The following FAM118B variants were observed in gnomAD, a reference collection of about 807,000 sequenced individuals.
FAM118B encodes the protein protein FAM118B.
In FAM118B, 24 loss-of-function variants were observed where a neutral mutation model predicts 38.5. The observed-to-expected ratio is 0.62, with a 90% CI of 0.45 to 0.88. The LOEUF is 0.88. Ranked by LOEUF, FAM118B falls within the 40% of genes least tolerant of loss-of-function variation. The probability of loss-of-function intolerance (pLI) is 0.00; values close to 1 mark genes in which losing one functional copy is unlikely to be tolerated. For missense variants in FAM118B, 334 were observed against 420.0 expected (o/e 0.80, Z 1.79); for synonymous variants, 138 against 156.3 (o/e 0.88, Z 0.87).
chr11:126,228,230 G>A (rs533364695), intron 1 of FAM118B, among the ~76,000 whole-genome samples: 23 of 148,608 alleles, frequency 1.5e-4, no homozygotes, highest in East Asian at 1.0e-3. Context: ...ACAGGGTCTC[G>A]CTTTGTCACC....
At chr11:126,239,790 A>G (rs956273110) in intron 3 of FAM118B, among the ~76,000 whole-genome samples, 1 of 152,224 alleles carries the variant, frequency 6.6e-6, no homozygotes, top group African/African-American at 2.4e-5. Flanking sequence ...CTGGGATTAC[A>G]GGCGTGAGCC....
At chr11:126,232,536 C>T (rs983595669) in intron 2 of FAM118B, among the ~76,000 whole-genome samples, 6 of 152,076 alleles carry the variant, frequency 3.9e-5, no homozygotes, top group African/African-American at 1.4e-4. Flanking sequence ...CTTCCCTCTA[C>T]ATTTTACTTT....
intron 3 of FAM118B, 33 bp downstream of exon 3, chr11:126,235,120 T>A (rs1950256822): frequency 6.3e-7 from 1 of 1,587,074 alleles, no homozygotes; most frequent in South Asian, 1.1e-5. Flanking sequence ...CAGAGTAAAT[T>A]ACCATTAGTG....
intron 3 of FAM118B, 49 bp from the exon 4 acceptor site, chr11:126,240,743 C>T (rs559821858): frequency 2.0e-6 from 3 of 1,526,282 alleles, no homozygotes; most frequent in South Asian, 1.3e-5. Context: ...TTCTGTGTGC[C>T]TCATATCTAT....
intron 7 of FAM118B, among the ~76,000 whole-genome samples, chr11:126,257,170 C>G (rs1950590692): frequency 6.6e-6 from 1 of 152,168 alleles, no homozygotes; most frequent in Non-Finnish European, 1.5e-5. Flanking sequence ...CCAATTTTGG[C>G]TAAGGCTGTG....
intron 4 of FAM118B, 31 bp downstream of exon 4, chr11:126,241,075 G>A (rs1950350894): frequency 6.6e-7 from 1 of 1,515,288 alleles, no homozygotes; most frequent in Non-Finnish European, 8.8e-7. Flanking sequence ...CACAGTATTT[G>A]GAATTTCCTA....
At chr11:126,218,160 A>G (rs1039624971) in intron 1 of FAM118B, among the ~76,000 whole-genome samples, 10 of 152,082 alleles carry the variant, frequency 6.6e-5, no homozygotes, top group African/African-American at 2.4e-4. Flanking sequence ...CCTTTTTGTA[A>G]TATCCATTCT....
chr11:126,221,894 G>A (rs1950067702), intron 1 of FAM118B, among the ~76,000 whole-genome samples: 1 of 152,018 alleles, frequency 6.6e-6, no homozygotes, highest in Non-Finnish European at 1.5e-5. Context: ...CTCCCATAAA[G>A]CTTTCCTTGA....
intron 7 of FAM118B, among the ~76,000 whole-genome samples, chr11:126,258,147 A>G (rs943038060): frequency 1.3e-5 from 2 of 152,190 alleles, no homozygotes; most frequent in African/African-American, 2.4e-5. Context: ...TGTAATCCCA[A>G]CACTGTGGGA....
chr11:126,248,434 G>A (rs918001106), intron 4 of FAM118B, among the ~76,000 whole-genome samples: 17 of 130,114 alleles, frequency 1.3e-4, no homozygotes, highest in Non-Finnish European at 2.2e-4. Context: ...GCAATGGTGC[G>A]ATCTTGGCTC....
At chr11:126,243,070 T>G (rs1950378708) in intron 4 of FAM118B, among the ~76,000 whole-genome samples, 1 of 152,184 alleles carries the variant, frequency 6.6e-6, no homozygotes, top group Non-Finnish European at 1.5e-5. Context: ...TGGATGAACC[T>G]TGAAAACATT....
intron 1 of FAM118B, among the ~76,000 whole-genome samples, chr11:126,218,005 C>T (rs188690173): frequency 6.6e-6 from 1 of 152,316 alleles, no homozygotes; most frequent in East Asian, 1.9e-4. Context: ...TGTGTATTAA[C>T]ACCAGGGTAT....
At position 126,241,018 on chromosome 11, in the gene FAM118B, C is replaced by G. The variant is rs1479476421; in HGVS notation, c.313C>G (p.His105Asp). 3 of 1,607,978 alleles carry G rather than the reference C, an allele frequency of 1.9e-6. No individual in the cohort carries two copies. The change falls in exon 4 of 9, where the codon CAT becomes GAT. Residue 105 changes from histidine (H) to aspartate (D), a missense_variant. By Grantham distance (81) the His-to-Asp change is moderately conservative (BLOSUM62 -1). Coordinates refer to ENST00000533050, the MANE Select transcript of FAM118B (RefSeq NM_024556.4). Reference sequence around the variant, plus strand: ...AGACAAGAACCTGGTCCATGTTGCCCATGACCTTATCCAGAAACTCTCTCC... The same window carrying G: ...AGACAAGAACCTGGTCCATGTTGCCGATGACCTTATCCAGAAACTCTCTCC... ...HEDKNLVHVA[H>D]DLIQKLSPRT...
At position 126,262,470 on chromosome 11, in the gene FAM118B, G is replaced by A. The variant is rs1213852949; in HGVS notation, c.*337G>A. ...GGCTGCAGCTCTGCATGAAGGACTC[G>A]GGGTCTGGATGCCATGGAATCACTG... On this transcript the variant is annotated 3_prime_UTR_variant, in exon 9 of 9. Coordinates refer to ENST00000533050, the MANE Select transcript of FAM118B (RefSeq NM_024556.4). The A allele has an allele frequency of 1.2e-5, 4 of 342,070 alleles. No homozygotes were observed. The highest frequency in any genetic ancestry group is 7.1e-5 in the South Asian group (1 of 14,160). 21.2% of individuals were successfully genotyped at this position (342,070 alleles called of 1,614,324 possible). A position where few individuals can be genotyped will look rare whatever the true frequency, so the allele number is the denominator to read the frequency against.
intron 7 of FAM118B, chr11:126,260,461 C>T (rs1950665929): frequency 1.3e-5 from 2 of 149,492 alleles, no homozygotes; most frequent in African/African-American, 4.9e-5. Flanking sequence ...ACATCCCTAT[C>T]TTCATAACCA....
chr11:126,262,178 C>T lies in FAM118B; in HGVS notation c.*45C>T. ...ACCGTTTAGACCAAGCTGTAAGGCC[C>T]TACTACAGACAGTGTTTAACAAGTA... is the stretch of plus-strand genomic sequence containing the variant. On this transcript the variant is annotated 3_prime_UTR_variant, in exon 9 of 9. Coordinates refer to ENST00000533050, the MANE Select transcript of FAM118B (RefSeq NM_024556.4). 6.3e-7 allele frequency: 1 copy of T among 1,599,218 alleles called. No homozygotes were observed. Among genetic ancestry groups the T allele is most frequent in the Non-Finnish European group, 8.6e-7 (1 of 1,166,646 alleles).
At position 126,237,997 on chromosome 11, in the gene FAM118B, T is replaced by C. The variant is rs928680515; in HGVS notation, c.87-2795T>C. On this transcript the variant is annotated intron_variant, in intron 3 of 8. Transcript: ENST00000533050. ...GCTAGTTTGTTTGGTATAACTGTTATGTTGGGGGCTTTCCTCAGATGTGAG... is the reference window on the plus strand; with the variant it reads ...GCTAGTTTGTTTGGTATAACTGTTACGTTGGGGGCTTTCCTCAGATGTGAG... Among the ~76,000 whole-genome samples, 8 of 152,252 alleles carry C rather than the reference T, an allele frequency of 5.3e-5. No homozygotes were observed. In the South Asian group the frequency reaches 6.2e-4, roughly 12 times the overall value.
At chr11:126,232,661 T>TA (rs1408722079) in intron 2 of FAM118B, among the ~76,000 whole-genome samples, 2 of 151,656 alleles carry the variant, frequency 1.3e-5, no homozygotes, top group Non-Finnish European at 2.9e-5. Flanking sequence ...AAAAACAACT[T>TA]AAAAAATATA....
intron 4 of FAM118B, among the ~76,000 whole-genome samples, chr11:126,247,572 A>G (rs1950433496): frequency 6.6e-6 from 1 of 152,108 alleles, no homozygotes; most frequent in Non-Finnish European, 1.5e-5. Context: ...AAAATGTAGT[A>G]CGTATTTGCC....
Sources: gnomAD v4.1 joint callset for allele counts (sites outside exome capture counted in the v4.1 genomes callset) on GRCh38, gnomAD v4.1.1 for gene constraint, MANE v1.5 for transcripts, NCBI Gene and HGNC (gene_info 2026-07-23, HGNC 2026-07-21) for gene names.